SYNPR: variants seen among roughly 807,000 people sequenced by gnomAD.
The protein encoded by SYNPR is synaptoporin.
SYNPR carries 23 observed loss-of-function variants against 32.9 expected under a neutral mutation model. That is an observed-to-expected ratio of 0.70 (90% confidence interval 0.50 to 0.99). The LOEUF (loss-of-function observed/expected upper bound fraction) is 0.99. SYNPR is among the 50% of genes least tolerant of loss of function. The pLI, the probability that SYNPR is intolerant of heterozygous loss-of-function variation, is 0.00. For missense variants in SYNPR, 318 were observed against 349.3 expected (o/e 0.91, Z 0.71); for synonymous variants, 146 against 135.9 (o/e 1.07, Z -0.52).
chr3:63,402,462 G>A (rs756542840), intron 2 of SYNPR, among the ~76,000 whole-genome samples: 13 of 152,186 alleles, frequency 8.5e-5, no homozygotes, highest in Non-Finnish European at 1.9e-4. Flanking sequence ...TATAATCCAG[G>A]GTCTGTGATG....
chr3:63,321,143 G>A (rs7636388), intron 2 of SYNPR, among the ~76,000 whole-genome samples: 66,292 of 151,870 alleles, frequency 0.44, 14,653 homozygotes, highest in Middle Eastern at 0.52. Context: ...TCAAATAAAG[G>A]GAGGACCTTA....
chr3:63,332,380 G>A (rs1167694094), intron 2 of SYNPR, among the ~76,000 whole-genome samples: 5 of 152,202 alleles, frequency 3.3e-5, no homozygotes, highest in East Asian at 3.9e-4. Flanking sequence ...TTTATACTTC[G>A]GAAGTAACTG....
intron 3 of SYNPR, 70 bp from the exon 4 acceptor site, chr3:63,556,473 T>G: frequency 3.6e-6 from 5 of 1,403,610 alleles, no homozygotes; most frequent in Non-Finnish European, 3.9e-6. Flanking sequence ...CTTTAGAAGA[T>G]GTAGACACAA....
the SYNPR span, among the ~76,000 whole-genome samples, chr3:63,204,267 C>T: frequency 5.3e-5 from 8 of 152,150 alleles, no homozygotes; most frequent in Non-Finnish European, 1.0e-4. Context: ...GCCATGTTCC[C>T]TCCGAAGACT....
intron 3 of SYNPR, among the ~76,000 whole-genome samples, chr3:63,485,405 A>G (rs1701128028): frequency 6.6e-6 from 1 of 152,270 alleles, no homozygotes; most frequent in East Asian, 1.9e-4. Context: ...AACTTTATGT[A>G]TGCTACCATT....
In SYNPR at chr3:63,513,337, G is replaced by T. The variant is rs150446995; in HGVS notation, c.209+32381G>T. ...GCTAGGATTACAGACATGTGCCATT[G>T]CTCCCATCTTGTTTGTTTTAAAATG... On this transcript the variant is annotated intron_variant, in intron 3 of 5. Transcript: ENST00000478300. 1.7e-4 allele frequency among the ~76,000 whole-genome samples: 26 copies of T among 152,070 alleles called. No homozygotes were observed. In the East Asian group the frequency reaches 4.8e-3, roughly 28 times the overall value.
At chr3:63,424,137 G>T (rs1699852822) in intron 2 of SYNPR, among the ~76,000 whole-genome samples, 1 of 152,160 alleles carries the variant, frequency 6.6e-6, no homozygotes, top group Admixed American at 6.5e-5. Context: ...ACATATCAAT[G>T]TTAGTTCATT....
At chr3:63,441,432 T>A (rs1280655641) in intron 2 of SYNPR, among the ~76,000 whole-genome samples, 2 of 152,196 alleles carry the variant, frequency 1.3e-5, no homozygotes, top group Admixed American at 6.5e-5. Context: ...CTGCTGCCTC[T>A]TTGACCCTAC....
At chr3:63,390,252 A>G (rs2088113989) in intron 2 of SYNPR, among the ~76,000 whole-genome samples, 1 of 152,174 alleles carries the variant, frequency 6.6e-6, no homozygotes, top group African/African-American at 2.4e-5. Flanking sequence ...AGAATTCTTC[A>G]GGGTACATTT....
upstream of SYNPR, among the ~76,000 whole-genome samples, chr3:63,225,849 T>C (rs537480564): frequency 5.3e-5 from 8 of 152,108 alleles, no homozygotes; most frequent in East Asian, 1.4e-3. Context: ...AAGGAAACAA[T>C]TGACAGAGTG....
In SYNPR at chr3:63,408,161, AG is replaced by A. The variant is rs1553876914; in HGVS notation, c.85-72670del. ...AGAAAGAAAAGAAAGAAAGAAAGAA[AG>A]AAAGAAAGAAAGAAAGAAAGAAAGA... On this transcript the variant is annotated intron_variant, in intron 2 of 5. Coordinates refer to ENST00000478300, the MANE Select transcript of SYNPR (RefSeq NM_001130003.2). Among the ~76,000 whole-genome samples the A allele has an allele frequency of 2.8e-4, 30 of 106,820 alleles. 1 individual carries two copies. The highest frequency in any genetic ancestry group is 7.2e-4 in the South Asian group (2 of 2,764). 70.1% of individuals were successfully genotyped at this position (106,820 alleles called of 152,430 possible). A position where few individuals can be genotyped will look rare whatever the true frequency, so the allele number is the denominator to read the frequency against.
At chr3:63,539,801 C>T (rs1702267815) in intron 3 of SYNPR, among the ~76,000 whole-genome samples, 1 of 152,146 alleles carries the variant, frequency 6.6e-6, no homozygotes, top group Non-Finnish European at 1.5e-5. Flanking sequence ...AACTGGGGCT[C>T]AGTCCTGCTG....
rs1042849181 is a variant in SYNPR, at chr3:63,579,499, C to T, written c.408+22758C>T. Among the ~76,000 whole-genome samples the T allele has an allele frequency of 6.6e-5, 10 of 152,130 alleles. No homozygotes were observed. The East Asian group carries it at 1.7e-3, about 26-fold the overall frequency. On this transcript the variant is annotated intron_variant, in intron 4 of 5. Transcript: ENST00000478300. Reference sequence around the variant, plus strand: ...ATATTTACCACTATCCAAACTACCACATACTTCACTAATTTACCTTGTTCA... The same window carrying T: ...ATATTTACCACTATCCAAACTACCATATACTTCACTAATTTACCTTGTTCA...
intron 2 of SYNPR, among the ~76,000 whole-genome samples, chr3:63,288,263 C>T (rs539726677): frequency 6.6e-6 from 1 of 152,196 alleles, no homozygotes; most frequent in Non-Finnish European, 1.5e-5. Context: ...AAACATTCCC[C>T]TTTTGTCTCT....
intron 4 of SYNPR, among the ~76,000 whole-genome samples, chr3:63,582,556 T>G (rs1202426192): frequency 6.6e-6 from 1 of 152,076 alleles, no homozygotes; most frequent in Non-Finnish European, 1.5e-5. Context: ...CATTAAGCAG[T>G]CAATTAGGAA....
At chr3:63,496,728 C>CA (rs1033109844) in intron 3 of SYNPR, among the ~76,000 whole-genome samples, 3 of 151,612 alleles carry the variant, frequency 2.0e-5, no homozygotes, top group East Asian at 1.9e-4. Context: ...TATTCCTGGC[C>CA]AAAAAAAATT....
chr3:63,459,282 T>A (rs1385981602), intron 2 of SYNPR, among the ~76,000 whole-genome samples: 2 of 152,078 alleles, frequency 1.3e-5, no homozygotes, highest in Non-Finnish European at 2.9e-5. Context: ...ACTCTATAAT[T>A]GCTTCTATGC....
chr3:63,515,185 T>G (rs1426250267), intron 3 of SYNPR, among the ~76,000 whole-genome samples: 1 of 152,152 alleles, frequency 6.6e-6, no homozygotes, highest in Non-Finnish European at 1.5e-5. Context: ...TTATGCTTTT[T>G]GCTTTCAGCC....
intron 2 of SYNPR, among the ~76,000 whole-genome samples, chr3:63,304,354 T>C (rs200632328): frequency 6.8e-6 from 1 of 146,522 alleles, no homozygotes; most frequent in Non-Finnish European, 1.5e-5. Flanking sequence ...GTGTGTGTGT[T>C]TGTGTGTGTG....
Sources: allele counts gnomAD v4.1 joint callset (sites outside exome capture counted in the v4.1 genomes callset), GRCh38; gene constraint gnomAD v4.1.1; transcripts MANE v1.5; gene names NCBI Gene and HGNC (gene_info 2026-07-23, HGNC 2026-07-21).